Variants in DLG2 observed in about 807,000 individuals in gnomAD.
The protein encoded by DLG2 is discs large MAGUK scaffold protein 2.
DLG2 carries 45 observed loss-of-function variants against 132.5 expected under a neutral mutation model. The observed-to-expected ratio is 0.34, with a 90% confidence interval of 0.27 to 0.44. The LOEUF (loss-of-function observed/expected upper bound fraction) is 0.44, where lower values mean the gene tolerates loss of function less well. DLG2 is among the 20% of genes least tolerant of loss of function. The pLI, the probability that DLG2 is intolerant of heterozygous loss-of-function variation, is 1.00. For synonymous variants in DLG2, 424 were observed against 419.6 expected (o/e 1.01, Z -0.13); for missense variants, 1,045 against 1,196.9 (o/e 0.87, Z 1.87).
intron 8 of DLG2, among the ~76,000 whole-genome samples, chr11:84,230,884 G>A (rs2097082675): frequency 6.6e-6 from 1 of 152,130 alleles, no homozygotes; most frequent in Admixed American, 6.5e-5. Flanking sequence ...TGGTTATAGT[G>A]GAAATACAAG....
intron 6 of DLG2, among the ~76,000 whole-genome samples, chr11:84,937,604 G>A (rs144565268): frequency 6.6e-6 from 1 of 152,236 alleles, no homozygotes; most frequent in East Asian, 1.9e-4. Context: ...AGATGGGGGA[G>A]AGGACATGAG....
chr11:83,572,332 G>T (rs1257050302), intron 19 of DLG2, among the ~76,000 whole-genome samples: 1 of 152,102 alleles, frequency 6.6e-6, no homozygotes, highest in African/African-American at 2.4e-5. Flanking sequence ...GATACAGGTG[G>T]GAAGATTAGG....
intron 6 of DLG2, among the ~76,000 whole-genome samples, chr11:84,977,298 A>G (rs142089427): frequency 7.7e-4 from 117 of 152,160 alleles, no homozygotes; most frequent in African/African-American, 2.6e-3. Flanking sequence ...CTCCCACTCT[A>G]TGTGAGTAGG....
At chr11:85,298,567 T>A (rs1413087192) in intron 3 of DLG2, among the ~76,000 whole-genome samples, 2 of 152,146 alleles carry the variant, frequency 1.3e-5, no homozygotes, top group Non-Finnish European at 2.9e-5. Flanking sequence ...TTAAGGAAAT[T>A]AGAAAGACAT....
chr11:84,502,222 C>CTCT (rs1191126624), intron 7 of DLG2, among the ~76,000 whole-genome samples: 2 of 12,814 alleles, frequency 1.6e-4, no homozygotes, highest in Non-Finnish European at 2.8e-4. Flanking sequence ...TTCCTTCCTT[C>CTCT]CTTCCTTCCT....
intron 12 of DLG2, among the ~76,000 whole-genome samples, chr11:83,967,801 G>C (rs2090530796): frequency 6.6e-6 from 1 of 152,092 alleles, no homozygotes; most frequent in African/African-American, 2.4e-5. Context: ...TCAATGACAA[G>C]GTCAAGGAAG....
chr11:85,407,795 G>A (rs1019644054), intron 3 of DLG2, among the ~76,000 whole-genome samples: 1 of 151,782 alleles, frequency 6.6e-6, no homozygotes, highest in African/African-American at 2.4e-5. Flanking sequence ...AGTTGAGTCA[G>A]CCATGAGTTA....
intron 7 of DLG2, among the ~76,000 whole-genome samples, chr11:84,284,957 G>T (rs2097894304): frequency 6.6e-6 from 1 of 152,150 alleles, no homozygotes; most frequent in Non-Finnish European, 1.5e-5. Context: ...ACTTGATGTT[G>T]ATGTTAGGAA....
At chr11:83,636,041 T>C (rs1408071058) in intron 18 of DLG2, among the ~76,000 whole-genome samples, 1 of 152,178 alleles carries the variant, frequency 6.6e-6, no homozygotes. Context: ...ATGTCATCTC[T>C]AAGTACCACT....
At chr11:84,348,875 C>G (rs1443498544) in intron 7 of DLG2, among the ~76,000 whole-genome samples, 1 of 152,130 alleles carries the variant, frequency 6.6e-6, no homozygotes, top group East Asian at 1.9e-4. Flanking sequence ...GGATTGCAAG[C>G]AAACCACCAA....
rs1443118164 is a variant in DLG2, at chr11:84,647,767, C to T, written c.358-113036G>A. 2.0e-5 allele frequency among the ~76,000 whole-genome samples: 3 copies of T among 152,104 alleles called. No individual in the cohort carries two copies. In the East Asian group the frequency reaches 5.8e-4, roughly 29 times the overall value. ...TAGAGATGTGAACAGTATTTGGGGG[C>T]TAAAGCGGATCCTACTAGGCTTTCT... On this transcript the variant is annotated intron_variant, in intron 6 of 27. Transcript: ENST00000376104.
At chr11:84,150,205 T>G (rs545157851) in intron 9 of DLG2, among the ~76,000 whole-genome samples, 1 of 152,222 alleles carries the variant, frequency 6.6e-6, no homozygotes, top group Non-Finnish European at 1.5e-5. Context: ...GGAATGGTTT[T>G]CCATTTGTTT....
chr11:84,721,117 T>C (rs1031157734), intron 6 of DLG2, among the ~76,000 whole-genome samples: 1 of 151,200 alleles, frequency 6.6e-6, no homozygotes, highest in East Asian at 2.0e-4. Flanking sequence ...CACCCGAGGG[T>C]AGAAGACCTC....
At chr11:85,110,835 A>G (rs531005146) in intron 6 of DLG2, among the ~76,000 whole-genome samples, 9 of 152,220 alleles carry the variant, frequency 5.9e-5, no homozygotes, top group Non-Finnish European at 1.2e-4. Flanking sequence ...ATTGCCTACA[A>G]GGGGAGTCAA....
At chr11:83,533,308 T>C (rs1208322988) in intron 20 of DLG2, among the ~76,000 whole-genome samples, 1 of 152,212 alleles carries the variant, frequency 6.6e-6, no homozygotes, top group Non-Finnish European at 1.5e-5. Context: ...GATTCATTGT[T>C]TTCCTGCTAC....
chr11:84,743,240 A>G (rs1033982649), intron 6 of DLG2, among the ~76,000 whole-genome samples: 1 of 152,154 alleles, frequency 6.6e-6, no homozygotes, highest in Non-Finnish European at 1.5e-5. Flanking sequence ...AGTTTATGTT[A>G]TTCCTAAAAA....
chr11:84,081,871 C>T (rs1442230654), intron 10 of DLG2, among the ~76,000 whole-genome samples: 1 of 152,162 alleles, frequency 6.6e-6, no homozygotes, highest in African/African-American at 2.4e-5. Flanking sequence ...ATTTCTAGTT[C>T]TAGTTCCCTG....
intron 3 of DLG2, among the ~76,000 whole-genome samples, chr11:85,581,828 C>A (rs774545110): frequency 6.6e-6 from 1 of 152,022 alleles, no homozygotes; most frequent in African/African-American, 2.4e-5. Flanking sequence ...AGAAAGTTCT[C>A]TTTTGTTTGT....
At chr11:83,556,066 C>T (rs1489433863) in intron 19 of DLG2, among the ~76,000 whole-genome samples, 1 of 152,212 alleles carries the variant, frequency 6.6e-6, no homozygotes, top group Non-Finnish European at 1.5e-5. Flanking sequence ...GGAGTAACCA[C>T]AGCCACTCAA....
Sources: gnomAD v4.1 joint callset for allele counts (sites outside exome capture counted in the v4.1 genomes callset) on GRCh38, gnomAD v4.1.1 for gene constraint, MANE v1.5 for transcripts, NCBI Gene and HGNC (gene_info 2026-07-23, HGNC 2026-07-21) for gene names.